PALLD: variants seen among roughly 807,000 people sequenced by gnomAD.
PALLD encodes palladin, cytoskeletal associated protein.
A neutral mutation model predicts 123.5 loss-of-function variants in PALLD; 61 were observed. The ratio of observed to expected loss-of-function variants is 0.49; its 90% confidence interval spans 0.40 to 0.61. The LOEUF is 0.61. PALLD is among the 20% of genes least tolerant of loss of function. The probability of loss-of-function intolerance (pLI) is 0.00; values close to 1 mark genes in which losing one functional copy is unlikely to be tolerated. For synonymous variants in PALLD, 465 were observed against 496.4 expected (o/e 0.94, Z 0.84); for missense variants, 1,273 against 1,377.0 (o/e 0.92, Z 1.20).
At chr4:168,652,364 C>T (rs770062622) in intron 2 of PALLD, among the ~76,000 whole-genome samples, 3 of 152,092 alleles carry the variant, frequency 2.0e-5, no homozygotes, top group East Asian at 1.9e-4. Context: ...GGTTAAATAG[C>T]GTTTTAAAAA....
intron 10 of PALLD, among the ~76,000 whole-genome samples, chr4:168,836,521 G>A: frequency 6.6e-6 from 1 of 152,200 alleles, no homozygotes; most frequent in South Asian, 2.1e-4. Context: ...CAATGAATGG[G>A]AGAGAAGAGA....
intron 15 of PALLD, among the ~76,000 whole-genome samples, chr4:168,905,309 G>A (rs996721609): frequency 2.7e-5 from 4 of 150,556 alleles, no homozygotes; most frequent in African/African-American, 4.9e-5. Flanking sequence ...CACCATGCCC[G>A]GCTAATTTTT....
chr4:168,868,604 G>A (rs1750658751), intron 10 of PALLD, among the ~76,000 whole-genome samples: 1 of 152,142 alleles, frequency 6.6e-6, no homozygotes, highest in Admixed American at 6.5e-5. Context: ...CTTGAAAAAT[G>A]AATACAGACA....
At chr4:168,607,162 A>G (rs755032589) in intron 2 of PALLD, among the ~76,000 whole-genome samples, 28 of 152,170 alleles carry the variant, frequency 1.8e-4, no homozygotes, top group Non-Finnish European at 5.9e-5. Context: ...TATGAATGGT[A>G]CAAAGGAGGG....
Position 168,512,316 on chromosome 4 carries a change from C to T in PALLD, c.812C>T (p.Pro271Leu), listed in dbSNP as rs1428789171. Residue 271 changes from proline to leucine, a missense_variant, in exon 2 of 22, where the codon CCT becomes CTT. Pro to Leu is a moderately conservative substitution (Grantham distance 98). This residue lies in a region of PALLD where 944 missense variants were observed against 954.5 expected (regional missense o/e 0.99). Transcript: ENST00000505667. ...PHSALHFPAA[P>L]RFIQKLRSQE... ...AGCGCCCTCCACTTCCCAGCTGCAC[C>T]TCGATTCATCCAAAAGCTGAGGAGC... is the stretch of plus-strand genomic sequence containing the variant. 3 of 1,614,038 alleles carry T rather than the reference C, an allele frequency of 1.9e-6. No individual in the cohort carries two copies. The highest frequency in any genetic ancestry group is 1.3e-5 in the African/African-American group (1 of 74,926).
intron 2 of PALLD, among the ~76,000 whole-genome samples, chr4:168,556,073 T>C (rs75402916): frequency 0.015 from 2,248 of 152,080 alleles, 60 homozygotes; most frequent in African/African-American, 0.052. Context: ...GTATAGTCAG[T>C]GTTCGTAAAT....
Position 168,711,856 on chromosome 4 carries a change from C to G in PALLD, c.1897C>G (p.Leu633Val). 1 of 1,614,192 alleles carries G rather than the reference C, an allele frequency of 6.2e-7. No individual in the cohort carries two copies. Among genetic ancestry groups the G allele is most frequent in the Non-Finnish European group, 8.5e-7 (1 of 1,180,032 alleles). ...INGKANSNKS[L>V]PTPAVLLSPT... ...CGGCAAAGCTAACAGTAATAAATCT[C>G]TTCCAACACCAGCTGTCCTGCTTTC... Residue 633 changes from leucine to valine, a missense_variant, in exon 10 of 22, where the codon CTT (leucine) becomes GTT (valine). By Grantham distance (32) the Leu-to-Val change is conservative. Around this residue, in one of 2 missense-constraint regions of PALLD, gnomAD observed 944 missense variants for 954.5 expected, o/e 0.99. Transcript: ENST00000505667.
In PALLD at chr4:168,891,013, C is replaced by T. The variant is rs1754079127; in HGVS notation, c.2056C>T (p.Arg686Ter). The T allele has an allele frequency of 6.2e-7, 1 of 1,614,078 alleles. No individual in the cohort carries two copies. The highest frequency in any genetic ancestry group is 1.6e-4 in the Middle Eastern group (1 of 6,062). ...TKDAVIQDLE[R>*]KLRFKEDLLN... ...GGATGCTGTTATTCAAGACCTGGAA[C>T]GAAAACTTCGCTTCAAGGAGGACCT... Residue 686 changes from arginine (R) to a stop codon, truncating the protein, a stop_gained, in exon 11 of 22, where the codon CGA becomes TGA. Transcript: ENST00000505667. LOFTEE classifies it high-confidence loss of function.
intron 2 of PALLD, among the ~76,000 whole-genome samples, chr4:168,523,970 T>G (rs1212962364): frequency 6.6e-6 from 1 of 152,200 alleles, no homozygotes; most frequent in Non-Finnish European, 1.5e-5. Context: ...ATAATAATAT[T>G]AATAGCCAAC....
intron 2 of PALLD, among the ~76,000 whole-genome samples, chr4:168,541,922 G>A (rs910356252): frequency 6.6e-6 from 1 of 152,172 alleles, no homozygotes; most frequent in African/African-American, 2.4e-5. Flanking sequence ...CCAGAATACA[G>A]GAGTGAACAA....
In PALLD at chr4:168,887,134, A is replaced by AG. The variant is rs1201699642; in HGVS notation, c.1965-3788_1965-3787insG. On this transcript the variant is annotated intron_variant, in intron 10 of 21. Transcript: ENST00000505667. ...TCTGTCTCAAAAAAAAAAAAAAAAGAAAAAGAAAAAGTAGAATAATCAGTT... is the reference window on the plus strand; with the variant it reads ...TCTGTCTCAAAAAAAAAAAAAAAAGAGAAAAGAAAAAGTAGAATAATCAGTT... 5.8e-4 allele frequency among the ~76,000 whole-genome samples: 68 copies of AG among 117,440 alleles called. 3 individuals are homozygous for AG. The highest frequency in any genetic ancestry group is 1.1e-3 in the Non-Finnish European group (56 of 52,044). 77.0% of individuals were successfully genotyped at this position (117,440 alleles called of 152,430 possible). A position where few individuals can be genotyped will look rare whatever the true frequency, so the allele number is the denominator to read the frequency against.
At chr4:168,675,219 G>C (rs537325032) in intron 3 of PALLD, among the ~76,000 whole-genome samples, 45 of 152,166 alleles carry the variant, frequency 3.0e-4, no homozygotes, top group African/African-American at 1.1e-3. Context: ...GGATTAAACC[G>C]GACCTTGTGG....
intron 8 of PALLD, among the ~76,000 whole-genome samples, chr4:168,698,533 T>TA (rs1783372982): frequency 6.6e-6 from 1 of 152,072 alleles, no homozygotes; most frequent in African/African-American, 2.4e-5. Flanking sequence ...TTTTTTTAAT[T>TA]TAAAGAAACA....
intron 2 of PALLD, among the ~76,000 whole-genome samples, chr4:168,645,944 GA>G (rs1777405154): frequency 6.6e-6 from 1 of 152,132 alleles, no homozygotes; most frequent in African/African-American, 2.4e-5. Flanking sequence ...CTTGGGAAAG[GA>G]AAAAGGCACT....
chr4:168,681,447 A>AATG, intron 4 of PALLD, 49 bp downstream of exon 4: 1 of 1,204,556 alleles, frequency 8.3e-7, no homozygotes, highest in Non-Finnish European at 1.2e-6. Flanking sequence ...GAATGGCAAC[A>AATG]GAATGGTTGG....
intron 2 of PALLD, among the ~76,000 whole-genome samples, chr4:168,551,161 T>C (rs2149538846): frequency 6.6e-6 from 1 of 152,338 alleles, no homozygotes; most frequent in East Asian, 1.9e-4. Context: ...TTTTTTCAAT[T>C]TCTCTTAATT....
chr4:168,680,205 C>T (rs1306201663), intron 3 of PALLD, among the ~76,000 whole-genome samples: 1 of 151,732 alleles, frequency 6.6e-6, no homozygotes, highest in Non-Finnish European at 1.5e-5. Context: ...AGGCCATGTG[C>T]GGTGGCTCAC....
Position 168,813,105 on chromosome 4 carries a change from T to G in PALLD, c.1965-77817T>G, listed in dbSNP as rs1018817204. Among the ~76,000 whole-genome samples, 368 of 151,256 alleles carry G rather than the reference T, an allele frequency of 2.4e-3. 1 individual carries two copies. Among genetic ancestry groups the G allele is most frequent in the African/African-American group, 8.4e-3 (345 of 41,124 alleles). On this transcript the variant is annotated intron_variant, in intron 10 of 21. Transcript: ENST00000505667. ...TTCTTTCTTTTGAAAAACGTACTTT[T>G]GGGGGGGGCGGAAATGAATTTGAAT...
At chr4:168,628,605 A>G (rs940966857) in intron 2 of PALLD, among the ~76,000 whole-genome samples, 1 of 152,084 alleles carries the variant, frequency 6.6e-6, no homozygotes, top group African/African-American at 2.4e-5. Context: ...CTCCCTTACC[A>G]TGATCAAGTC....
Sources: gnomAD v4.1 joint callset for allele counts (sites outside exome capture counted in the v4.1 genomes callset) on GRCh38, gnomAD v4.1.1 for gene constraint, gnomAD v4.1.1 regional missense constraint, MANE v1.5 for transcripts, NCBI Gene and HGNC (gene_info 2026-07-23, HGNC 2026-07-21) for gene names.